The following ITCH variants were observed in gnomAD, a reference collection of about 807,000 sequenced individuals.
ITCH encodes itchy E3 ubiquitin protein ligase.
A neutral mutation model predicts 126.8 loss-of-function variants in ITCH; 28 were observed. That is an observed-to-expected ratio of 0.22 (90% CI 0.16 to 0.30). The LOEUF is 0.30. ITCH is among the 10% of genes least tolerant of loss of function. The pLI is 1.00. For synonymous variants in ITCH, 342 were observed against 340.0 expected (o/e 1.01, Z -0.06); for missense variants, 631 against 1,032.4 (o/e 0.61, Z 5.33).
chr20:34,489,477 A>G, intron 21 of ITCH, 91 bp downstream of exon 21: 1 of 1,272,854 alleles, frequency 7.9e-7, no homozygotes, highest in Non-Finnish European at 1.1e-6. Flanking sequence ...CTTTCCTGTT[A>G]CTGTAATATT....
intron 2 of ITCH, among the ~76,000 whole-genome samples, chr20:34,375,551 TAGTG>T (rs1283734233): frequency 6.6e-6 from 1 of 151,862 alleles, no homozygotes; most frequent in Non-Finnish European, 1.5e-5. Context: ...CTGGATAACA[TAGTG>T]AGACCCCATC....
At chr20:34,377,443 G>A (rs1299275903) in intron 2 of ITCH, among the ~76,000 whole-genome samples, 1 of 151,896 alleles carries the variant, frequency 6.6e-6, no homozygotes, top group South Asian at 2.1e-4. Context: ...TGGTTATCTC[G>A]GTTAACCTCT....
At chr20:34,458,434 T>C (rs954060063) in intron 13 of ITCH, among the ~76,000 whole-genome samples, 2 of 152,214 alleles carry the variant, frequency 1.3e-5, no homozygotes, top group African/African-American at 4.8e-5. Context: ...CCTGAGTAGC[T>C]GGGATTACAG....
At chr20:34,478,513 G>A (rs1474793682) in intron 17 of ITCH, among the ~76,000 whole-genome samples, 1 of 152,118 alleles carries the variant, frequency 6.6e-6, no homozygotes, top group Non-Finnish European at 1.5e-5. Flanking sequence ...CTGGCATTGT[G>A]CAAAGACAAG....
chr20:34,477,858 A>G lies in ITCH; in HGVS notation c.1656A>G (p.Ala552=). 3 of 1,613,382 alleles carry G rather than the reference A, an allele frequency of 1.9e-6. No homozygotes were observed. The highest frequency in any genetic ancestry group is 2.5e-6 in the Non-Finnish European group (3 of 1,179,350). ...AAGGTTTAGATTATGGAGGTGTAGC[A>G]AGGTAGTGATAATATGAATACTCAG... ...GEEGLDYGGV[A]REWFFLLSHE... is the part of the protein sequence containing the mutation. The change falls in exon 17 of 25, where the codon GCA becomes GCG. Residue 552 remains alanine (A), a splice_region_variant and synonymous_variant. Coordinates refer to ENST00000374864, the MANE Select transcript of ITCH (RefSeq NM_031483.7).
chr20:34,393,388 T>C (rs192353426), intron 2 of ITCH, among the ~76,000 whole-genome samples: 92 of 152,242 alleles, frequency 6.0e-4, no homozygotes, highest in Admixed American at 2.2e-3. Context: ...CACCCACTTA[T>C]AGTCTTACCT....
In ITCH at chr20:34,511,667, A is replaced by G. The variant is rs1351378979; in HGVS notation, c.*3873A>G. On this transcript the variant is annotated 3_prime_UTR_variant, in exon 25 of 25. Transcript: ENST00000374864. The stretch of plus-strand genomic sequence containing the variant: ...CCAGGTATGGGGAGAAAGCCTGGAA[A>G]TGATCCCAAGACCAACTCAAAACTA... Among the ~76,000 whole-genome samples, 1 of 152,232 alleles carries G rather than the reference A, an allele frequency of 6.6e-6. No homozygotes were observed. The highest frequency in any genetic ancestry group is 1.5e-5 in the Non-Finnish European group (1 of 68,040).
intron 7 of ITCH, among the ~76,000 whole-genome samples, chr20:34,432,639 C>T (rs1157649208): frequency 6.6e-6 from 1 of 152,090 alleles, no homozygotes; most frequent in Non-Finnish European, 1.5e-5. Flanking sequence ...AATGGGAGAA[C>T]AGGTCAATTA....
chr20:34,457,341 TATGCCA>T, intron 12 of ITCH, 43 bp from the exon 13 acceptor site: 16 of 1,177,234 alleles, frequency 1.4e-5, no homozygotes, highest in Non-Finnish European at 2.0e-5. Context: ...GCAAGAAGAC[TATGCCA>T]ATGCTAATGC....
intron 23 of ITCH, among the ~76,000 whole-genome samples, chr20:34,497,690 T>C (rs1989978716): frequency 6.6e-6 from 1 of 152,254 alleles, no homozygotes; most frequent in Admixed American, 6.5e-5. Context: ...GTGATTCTTG[T>C]GCCTCAGCCT....
intron 14 of ITCH, among the ~76,000 whole-genome samples, chr20:34,463,123 G>A (rs1392920664): frequency 6.6e-6 from 1 of 152,190 alleles, no homozygotes; most frequent in Non-Finnish European, 1.5e-5. Context: ...AGCGCTTTGG[G>A]AGGCCAAGGC....
intron 23 of ITCH, among the ~76,000 whole-genome samples, chr20:34,495,120 C>T (rs1202417506): frequency 6.7e-6 from 1 of 148,852 alleles, no homozygotes; most frequent in Non-Finnish European, 1.5e-5. Flanking sequence ...AAAAAATTAG[C>T]CAGGTGAGGT....
intron 2 of ITCH, among the ~76,000 whole-genome samples, chr20:34,376,626 T>C (rs1206845844): frequency 6.6e-6 from 1 of 151,312 alleles, no homozygotes; most frequent in African/African-American, 2.4e-5. Flanking sequence ...GGGGGTGGAG[T>C]TTAATTTTAG....
At chr20:34,371,042 C>A (rs1264105670) in intron 2 of ITCH, among the ~76,000 whole-genome samples, 2 of 151,328 alleles carry the variant, frequency 1.3e-5, no homozygotes, top group Non-Finnish European at 2.9e-5. Context: ...GTGGCGGGCG[C>A]CTGTAGTCCC....
At chr20:34,486,569 G>A (rs369782792) in intron 20 of ITCH, among the ~76,000 whole-genome samples, 55 of 151,464 alleles carry the variant, frequency 3.6e-4, no homozygotes, top group Admixed American at 2.4e-3. Flanking sequence ...CAGGTGATCC[G>A]CCTGCCTCAG....
chr20:34,422,054 G>C (rs912997959), intron 6 of ITCH, among the ~76,000 whole-genome samples: 1 of 152,064 alleles, frequency 6.6e-6, no homozygotes, highest in African/African-American at 2.4e-5. Flanking sequence ...CCCTTGTTTA[G>C]ACTTTCCTAA....
At chr20:34,441,750 T>C (rs1454598354) in intron 9 of ITCH, 1 of 210,802 alleles carries the variant, frequency 4.7e-6, no homozygotes, top group African/African-American at 2.3e-5. Context: ...CATGCCCAGC[T>C]AATTTTTGAA....
chr20:34,430,436 A>T (rs1374316078), intron 7 of ITCH, among the ~76,000 whole-genome samples: 3 of 151,146 alleles, frequency 2.0e-5, no homozygotes, highest in African/African-American at 2.4e-5. Flanking sequence ...TTTTTTTTTT[A>T]AAGGAAAGGA....
At chr20:34,497,944 G>T (rs1267896770) in intron 23 of ITCH, among the ~76,000 whole-genome samples, 3 of 152,200 alleles carry the variant, frequency 2.0e-5, no homozygotes, top group Non-Finnish European at 4.4e-5. Context: ...GTTATTAGTG[G>T]AGTATTAATT....
Sources: allele counts gnomAD v4.1 joint callset (sites outside exome capture counted in the v4.1 genomes callset), GRCh38; gene constraint gnomAD v4.1.1; transcripts MANE v1.5; gene names NCBI Gene and HGNC (gene_info 2026-07-23, HGNC 2026-07-21).